NPIPB2: variants seen among roughly 807,000 people sequenced by gnomAD.
NPIPB2 encodes the protein nuclear pore complex-interacting protein family member B2.
Under a neutral mutation model 30.8 loss-of-function variants are expected in NPIPB2, and 27 were observed. The observed-to-expected ratio is 0.88, with a 90% CI of 0.65 to 1.21. The LOEUF is 1.21. Among genes scored for constraint, NPIPB2 ranks in the 50% most tolerant of loss-of-function variants. The pLI, the probability that NPIPB2 is intolerant of heterozygous loss-of-function variation, is 0.00. For missense variants in NPIPB2, 440 were observed against 446.2 expected (o/e 0.99, Z 0.13); for synonymous variants, 147 against 162.0 (o/e 0.91, Z 0.70).
chr16:11,969,957 A>G (rs56236617), intron 1 of NPIPB2, among the ~76,000 whole-genome samples: 151,519 of 152,014 alleles, frequency 1, 75,518 homozygotes, highest in Middle Eastern at 1. Flanking sequence ...CTCAAGAGGT[A>G]GGTTCAAGAG....
upstream of NPIPB2, among the ~76,000 whole-genome samples, chr16:11,945,261 G>A (rs539835788): frequency 1.7e-4 from 26 of 152,092 alleles, no homozygotes; most frequent in South Asian, 5.2e-3. Context: ...TGTGCTTATA[G>A]TCCCAGCTAC....
intron 1 of NPIPB2, chr16:11,941,755 C>T: frequency 1.1e-6 from 1 of 907,516 alleles, no homozygotes. Context: ...CAAGTAGCGC[C>T]CGCATCATTC....
intron 1 of NPIPB2, among the ~76,000 whole-genome samples, chr16:11,960,633 C>G (rs994282378): frequency 4.6e-5 from 7 of 151,796 alleles, no homozygotes; most frequent in Non-Finnish European, 1.0e-4. Flanking sequence ...GCTGGGATTA[C>G]AGGCATGAGC....
chr16:11,975,672 C>T lies in NPIPB2; in HGVS notation c.-584+896G>A, dbSNP rs942538821. ...GTGGTGGGATCTCGGCTCACTGAAA[C>T]CTCTGCCTCCCGGGTTCAAGCAATT... On this transcript the variant is annotated intron_variant, in intron 1 of 5. Coordinates refer to the NPIPB2 transcript ENST00000538896. 4.0e-5 allele frequency among the ~76,000 whole-genome samples: 6 copies of T among 150,758 alleles called. No individual in the cohort carries two copies. The East Asian group carries it at 1.2e-3, about 30-fold the overall frequency.
intron 1 of NPIPB2, among the ~76,000 whole-genome samples, chr16:11,959,994 C>A (rs1401791286): frequency 6.6e-6 from 1 of 152,152 alleles, no homozygotes; most frequent in African/African-American, 2.4e-5. Context: ...CAGGCTGTCT[C>A]GAACTACTGG....
In NPIPB2 at chr16:11,951,398, A is replaced by T. The variant is rs1442878810; in HGVS notation, c.-583-9284T>A. Among the ~76,000 whole-genome samples the T allele has an allele frequency of 3.8e-5, 5 of 132,682 alleles. No individual in the cohort carries two copies. In the Middle Eastern group the frequency reaches 0.018, roughly 482 times the overall value. The allele number at this position is 132,682 out of a possible 152,430, so 87.0% of individuals were successfully genotyped here. A position where few individuals can be genotyped will look rare whatever the true frequency, so the allele number is the denominator to read the frequency against. ...AGAATGGCGTGAACCTGGGAAGCGG[A>T]GCTTGCAGTGAGCCGAGATCATGCC... On this transcript the variant is annotated intron_variant, in intron 1 of 5. Transcript: ENST00000538896.
At chr16:11,935,125 A>G (rs370700518) in intron 2 of NPIPB2, among the ~76,000 whole-genome samples, 71 of 141,666 alleles carry the variant, frequency 5.0e-4, no homozygotes, top group African/African-American at 1.6e-3. Context: ...CATCAGCTTC[A>G]TTGAGGCTGG....
At chr16:11,937,054 A>G (rs2054876957) in intron 2 of NPIPB2, among the ~76,000 whole-genome samples, 1 of 151,920 alleles carries the variant, frequency 6.6e-6, no homozygotes, top group Non-Finnish European at 1.5e-5. Flanking sequence ...CTCTTTAAGC[A>G]TCAACCATCC....
chr16:11,972,978 C>T (rs1285179743), intron 1 of NPIPB2, among the ~76,000 whole-genome samples: 5 of 151,702 alleles, frequency 3.3e-5, no homozygotes, highest in African/African-American at 7.3e-5. Flanking sequence ...CTGGTCAACA[C>T]GGAGAAATCC....
chr16:11,942,034 G>A (rs536134312), exon 1 of NPIPB2: 96 of 1,369,926 alleles, frequency 7.0e-5, no homozygotes, highest in South Asian at 2.9e-4. Context: ...CATATCCTAA[G>A]CAACAAAACA....
chr16:11,937,047 T>C (rs2054876927), intron 2 of NPIPB2, among the ~76,000 whole-genome samples: 1 of 152,000 alleles, frequency 6.6e-6, no homozygotes, highest in Non-Finnish European at 1.5e-5. Flanking sequence ...GAGGGTGCTC[T>C]TTAAGCATCA....
chr16:11,963,683 C>T (rs2055170959), intron 1 of NPIPB2, among the ~76,000 whole-genome samples: 2 of 152,088 alleles, frequency 1.3e-5, no homozygotes, highest in Admixed American at 6.6e-5. Flanking sequence ...TTAATTGAGT[C>T]CTGCATTTTT....
intron 1 of NPIPB2, among the ~76,000 whole-genome samples, chr16:11,947,628 G>A (rs1482673293): frequency 6.6e-6 from 1 of 151,952 alleles, no homozygotes; most frequent in African/African-American, 2.4e-5. Context: ...ACAGGCGTGA[G>A]CCACCGCTCC....
intron 1 of NPIPB2, among the ~76,000 whole-genome samples, chr16:11,961,088 C>T (rs1196761289): frequency 6.6e-6 from 1 of 152,102 alleles, no homozygotes; most frequent in African/African-American, 2.4e-5. Context: ...GCCTCAAACT[C>T]CTGACTTCAG....
chr16:11,933,556 T>C (rs1295537247), exon 4 of NPIPB2: 1 of 1,597,126 alleles, frequency 6.3e-7, no homozygotes, highest in Non-Finnish European at 8.5e-7. Context: ...GATTTTGTCA[T>C]GATGGTTGAT....
intron 1 of NPIPB2, among the ~76,000 whole-genome samples, chr16:11,971,451 G>T (rs574816132): frequency 5.3e-5 from 8 of 151,232 alleles, no homozygotes; most frequent in Middle Eastern, 3.4e-3. Context: ...GTGGGGTGGT[G>T]GGGGGGTGGG....
intron 1 of NPIPB2, chr16:11,965,581 C>A: frequency 1.0e-6 from 1 of 976,172 alleles, no homozygotes; most frequent in Non-Finnish European, 1.5e-6. Flanking sequence ...AGAAAGGAAG[C>A]AAGGCAGTGA....
At chr16:11,968,036 T>C (rs1228320636) in intron 1 of NPIPB2, 6 of 641,408 alleles carry the variant, frequency 9.4e-6, no homozygotes, top group African/African-American at 3.8e-5. Flanking sequence ...AGAAACTTCC[T>C]TGGTTTCATG....
upstream of NPIPB2, among the ~76,000 whole-genome samples, chr16:11,942,828 C>T (rs868689697): frequency 1.3e-5 from 2 of 152,218 alleles, no homozygotes; most frequent in Non-Finnish European, 1.5e-5. Flanking sequence ...AAACTTCCCA[C>T]AGGCCTTCTG....
Sources: allele counts gnomAD v4.1 joint callset (sites outside exome capture counted in the v4.1 genomes callset), GRCh38; gene constraint gnomAD v4.1.1; transcripts MANE v1.5; gene names NCBI Gene and HGNC (gene_info 2026-07-23, HGNC 2026-07-21).